The following TPCN1 variants were observed in gnomAD, a reference collection of about 807,000 sequenced individuals.
TPCN1 encodes the protein two pore segment channel 1.
Under a neutral mutation model 108.8 loss-of-function variants are expected in TPCN1, and 52 were observed. The ratio of observed to expected loss-of-function variants is 0.48; its 90% CI spans 0.38 to 0.60. The LOEUF (loss-of-function observed/expected upper bound fraction) is 0.60. TPCN1 is among the 20% of genes least tolerant of loss of function. The pLI, the probability that TPCN1 is intolerant of heterozygous loss-of-function variation, is 0.00. For synonymous variants in TPCN1, 446 were observed against 433.7 expected, an observed-to-expected ratio of 1.03 and a Z score of -0.35; for missense variants, 806 against 1,072.8, an observed-to-expected ratio of 0.75 and a Z score of 3.47.
chr12:113,276,871 C>T lies in TPCN1; in HGVS notation c.943-48C>T, dbSNP rs549721676. 6 of 1,374,158 alleles carry T rather than the reference C, an allele frequency of 4.4e-6. No individual in the cohort carries two copies. In the Admixed American group the frequency reaches 8.4e-5, roughly 19 times the overall value. 85.1% of individuals were successfully genotyped at this position (1,374,158 alleles called of 1,614,324 possible). A position where few individuals can be genotyped will look rare whatever the true frequency, so the allele number is the denominator to read the frequency against. On this transcript the variant is annotated intron_variant, in intron 10 of 27. Coordinates refer to ENST00000335509, the MANE Select transcript of TPCN1 (RefSeq NM_017901.6). ...CTCATACCCCCCTGCACTCCCTGCC[C>T]TAACCACTCAAGGTCCTGAGCTAGG...
In TPCN1 at chr12:113,273,693, G is replaced by T. The variant is rs374432208; in HGVS notation, c.942+25G>T. The stretch of plus-strand genomic sequence containing the variant: ...GGTGAGTGACTATGCCTCAGGCTAC[G>T]CTGAAGCAGCCTGCCCCTACCCATG... On this transcript the variant is annotated intron_variant, in intron 10 of 27. Coordinates refer to ENST00000335509, the MANE Select transcript of TPCN1 (RefSeq NM_017901.6). This position sits in a 1 kb window ranked among gnomAD's most constrained non-coding sequence, Gnocchi z 4.0. The T allele has an allele frequency of 6.3e-5, 99 of 1,566,348 alleles. No individual in the cohort carries two copies. Among genetic ancestry groups the T allele is most frequent in the Non-Finnish European group, 8.3e-5 (94 of 1,137,168 alleles).
chr12:113,222,686 A>G (rs1019509610), intron 1 of TPCN1, among the ~76,000 whole-genome samples: 1 of 152,256 alleles, frequency 6.6e-6, no homozygotes, highest in Non-Finnish European at 1.5e-5. Flanking sequence ...GGCAGATATC[A>G]TGAAAATTAT....
At chr12:113,244,678 A>G in intron 2 of TPCN1, 1 of 985,386 alleles carries the variant, frequency 1.0e-6, no homozygotes, top group African/African-American at 1.7e-5. Context: ...ACAACTGGCA[A>G]GCGGCGGGGC....
At chr12:113,261,334 G>T (rs769661431) in intron 3 of TPCN1, among the ~76,000 whole-genome samples, 49 of 143,430 alleles carry the variant, frequency 3.4e-4, no homozygotes, top group Non-Finnish European at 6.0e-4. Context: ...TGTATTATAA[G>T]AATAATATAT....
Position 113,269,731 on chromosome 12 carries a change from C to T in TPCN1, c.660-26C>T. 1 of 1,609,846 alleles carries T rather than the reference C, an allele frequency of 6.2e-7. No individual in the cohort carries two copies. The highest frequency in any genetic ancestry group is 8.5e-7 in the Non-Finnish European group (1 of 1,178,184). ...GGCAGCCCGCCCCAGCTGGTGCCTC[C>T]CCTGAGCTGGCCCATCTCTCCCCAG... On this transcript the variant is annotated intron_variant, in intron 6 of 27. Transcript: ENST00000335509. The surrounding 1 kb of genome is among the most constrained non-coding windows in gnomAD (Gnocchi z 5.0).
In TPCN1 at chr12:113,285,887, A is replaced by G. The variant is rs1956058652; in HGVS notation, c.1454-2A>G. The G allele has an allele frequency of 6.2e-7, 1 of 1,613,852 alleles. No individual in the cohort carries two copies. Among genetic ancestry groups the G allele is most frequent in the African/African-American group, 1.3e-5 (1 of 74,914 alleles). On this transcript the variant is annotated splice_acceptor_variant, in intron 17 of 27. Transcript: ENST00000335509. LOFTEE classifies it high-confidence loss of function. ...CTGCCGATGGATTCCTTCTGTCCAC[A>G]GTCTATGGGGTGGAGCTGTTCCTGA...
intron 2 of TPCN1, among the ~76,000 whole-genome samples, chr12:113,229,340 G>A (rs1953590205): frequency 6.6e-6 from 1 of 152,236 alleles, no homozygotes; most frequent in South Asian, 2.1e-4. Context: ...AGCCTGGCTG[G>A]GAAGAAGGGT....
chr12:113,275,837 A>C (rs542258942), intron 10 of TPCN1, among the ~76,000 whole-genome samples: 33 of 152,204 alleles, frequency 2.2e-4, no homozygotes, highest in African/African-American at 7.7e-4. Context: ...CGGCCTCCCA[A>C]AGTGCTGGGA....
rs769988525 is a variant in TPCN1 at position 113,288,292 on chromosome 12, G to T, written c.1706+58G>T. ...CAGGTGCCGTGTGGCAGTGCCCCGT[G>T]GGGGCGGGAGCCGAGTGGCAGTCGG... On this transcript the variant is annotated intron_variant, in intron 20 of 27. Coordinates refer to ENST00000335509, the MANE Select transcript of TPCN1 (RefSeq NM_017901.6). This position sits in a 1 kb window ranked among gnomAD's most constrained non-coding sequence, Gnocchi z 4.8. 3 of 1,610,376 alleles carry T rather than the reference G, an allele frequency of 1.9e-6. No homozygotes were observed. The highest frequency in any genetic ancestry group is 2.5e-6 in the Non-Finnish European group (3 of 1,178,880).
intron 14 of TPCN1, among the ~76,000 whole-genome samples, chr12:113,279,911 C>A (rs867800842): frequency 6.6e-6 from 1 of 151,992 alleles, no homozygotes; most frequent in African/African-American, 2.4e-5. Context: ...TGCTCAGGCT[C>A]CCCCCAGAGC....
rs1955579514 is a variant in TPCN1 at position 113,273,657 on chromosome 12, A to G, written c.931A>G (p.Ile311Val). The G allele has an allele frequency of 6.2e-7, 1 of 1,614,026 alleles. No individual in the cohort carries two copies. Among genetic ancestry groups the G allele is most frequent in the Non-Finnish European group, 8.5e-7 (1 of 1,179,882 alleles). The part of the protein sequence containing the change: ...IVYLSIELYF[I>V]MNLLLAVVFD... ...GTACCTCTCCATCGAGCTGTATTTCATCATGAACCTGGTGAGTGACTATGC... is the reference window on the plus strand; with the variant it reads ...GTACCTCTCCATCGAGCTGTATTTCGTCATGAACCTGGTGAGTGACTATGC... Residue 311 changes from isoleucine to valine, a missense_variant, in exon 10 of 28, where the codon ATC (isoleucine) becomes GTC (valine). By Grantham distance (29) the Ile-to-Val change is conservative. Coordinates refer to ENST00000335509, the MANE Select transcript of TPCN1 (RefSeq NM_017901.6). The surrounding 1 kb of genome is among the most constrained non-coding windows in gnomAD (Gnocchi z 4.0).
intron 10 of TPCN1, among the ~76,000 whole-genome samples, chr12:113,274,005 C>G (rs1206231247): frequency 6.6e-6 from 1 of 152,132 alleles, no homozygotes; most frequent in Non-Finnish European, 1.5e-5. Flanking sequence ...GTTTGCAGGA[C>G]CCCCTGTAGG....
rs1955979818 is a variant in TPCN1 at position 113,284,005 on chromosome 12, G to A, written c.1343-576G>A. ...TCTTTTTTATGGTTAAAGTATGCCAGTTTATGAATGTATCGTAGTCTGTTC... is the reference window on the plus strand; with the variant it reads ...TCTTTTTTATGGTTAAAGTATGCCAATTTATGAATGTATCGTAGTCTGTTC... On this transcript the variant is annotated intron_variant, in intron 15 of 27. Coordinates refer to ENST00000335509, the MANE Select transcript of TPCN1 (RefSeq NM_017901.6). This position sits in a 1 kb window ranked among gnomAD's most constrained non-coding sequence, Gnocchi z 4.1. Among the ~76,000 whole-genome samples, 1 of 152,196 alleles carries A rather than the reference G, an allele frequency of 6.6e-6. No individual in the cohort carries two copies. The highest frequency in any genetic ancestry group is 1.5e-5 in the Non-Finnish European group (1 of 68,042).
rs146227347 is a variant in TPCN1 at position 113,245,185 on chromosome 12, C to G, written c.113-15183C>G. On this transcript the variant is annotated intron_variant, in intron 2 of 27. Coordinates refer to ENST00000335509, the MANE Select transcript of TPCN1 (RefSeq NM_017901.6). ...TTGGGAGGCTGAGGTGGGAGGATTGCTTGAACCCAGGAGATAAAGGCTGCA... is the reference window on the plus strand; with the variant it reads ...TTGGGAGGCTGAGGTGGGAGGATTGGTTGAACCCAGGAGATAAAGGCTGCA... Among the ~76,000 whole-genome samples, 691 of 152,156 alleles carry G rather than the reference C, an allele frequency of 4.5e-3. 5 individuals carry two copies. Among genetic ancestry groups the G allele is most frequent in the Non-Finnish European group, 6.7e-3 (453 of 68,014 alleles).
At position 113,279,377 on chromosome 12, in the gene TPCN1, A is replaced by ATG. The variant is rs1566189398; in HGVS notation, c.1297+543_1297+544insGT. ...TGTGTGTGTATATATATATATATAT[A>ATG]TATATATATATATATTTTTTTTTTT... On this transcript the variant is annotated intron_variant, in intron 14 of 27. Coordinates refer to ENST00000335509, the MANE Select transcript of TPCN1 (RefSeq NM_017901.6). Among the ~76,000 whole-genome samples, 97 of 29,422 alleles carry ATG rather than the reference A, an allele frequency of 3.3e-3. 1 individual carries two copies. The highest frequency in any genetic ancestry group is 4.5e-3 in the Non-Finnish European group (78 of 17,328). 19.3% of individuals were successfully genotyped at this position (29,422 alleles called of 152,430 possible). A position where few individuals can be genotyped will look rare whatever the true frequency, so the allele number is the denominator to read the frequency against.
Position 113,289,261 on chromosome 12 carries a change from G to A in TPCN1, c.1796+414G>A, listed in dbSNP as rs772393716. Among the ~76,000 whole-genome samples, 32 of 152,244 alleles carry A rather than the reference G, an allele frequency of 2.1e-4. No homozygotes were observed. The highest frequency in any genetic ancestry group is 2.4e-4 in the Non-Finnish European group (16 of 68,042). On this transcript the variant is annotated intron_variant, in intron 21 of 27. Coordinates refer to ENST00000335509, the MANE Select transcript of TPCN1 (RefSeq NM_017901.6). This position sits in a 1 kb window ranked among gnomAD's most constrained non-coding sequence, Gnocchi z 4.1. The stretch of plus-strand genomic sequence containing the variant: ...GAAGGTCATGGTGCTCAGGGATGGG[G>A]AGCAGAGAGTGAAATCTCCCATGAG...
intron 10 of TPCN1, among the ~76,000 whole-genome samples, chr12:113,276,526 C>T (rs1006783070): frequency 6.6e-6 from 1 of 152,140 alleles, no homozygotes; most frequent in Non-Finnish European, 1.5e-5. Flanking sequence ...CTCCGCCTGC[C>T]ACTGGCTGGA....
intron 13 of TPCN1, 140 bp from the exon 14 acceptor site, chr12:113,278,632 G>C (rs1955755637): frequency 3.0e-6 from 2 of 672,100 alleles, no homozygotes; most frequent in Non-Finnish European, 2.6e-6. Flanking sequence ...GGCTGGCTGT[G>C]TTGTCATGTA....
chr12:113,229,459 C>T (rs775461434), intron 2 of TPCN1, among the ~76,000 whole-genome samples: 1 of 152,194 alleles, frequency 6.6e-6, no homozygotes, highest in Admixed American at 6.5e-5. Context: ...TCTACCCCAG[C>T]GTCCCCCTGT....
Sources: gnomAD v4.1 joint callset for allele counts (sites outside exome capture counted in the v4.1 genomes callset) on GRCh38, gnomAD v4.1.1 for gene constraint, Gnocchi (gnomAD v3.1) non-coding constraint, MANE v1.5 for transcripts, NCBI Gene and HGNC (gene_info 2026-07-23, HGNC 2026-07-21) for gene names.